Variants in GRM5 observed in about 807,000 individuals in gnomAD.
GRM5 encodes metabotropic glutamate receptor 5.
GRM5 carries 19 observed loss-of-function variants against 83.1 expected under a neutral mutation model. That is an observed-to-expected ratio of 0.23 (90% CI 0.16 to 0.34). GRM5 has a LOEUF of 0.34. Among genes scored for constraint, GRM5 ranks in the 10% least tolerant of loss-of-function variants. The pLI is 1.00. For synonymous variants in GRM5, 675 were observed against 633.6 expected (o/e 1.07, Z -0.98); for missense variants, 1,160 against 1,588.3 (o/e 0.73, Z 4.58).
At chr11:88,625,304 G>A (rs551222790) in intron 4 of GRM5, among the ~76,000 whole-genome samples, 17 of 152,242 alleles carry the variant, frequency 1.1e-4, no homozygotes. Context: ...TCCATAGCAA[G>A]AGTGTATGAG....
intron 3 of GRM5, among the ~76,000 whole-genome samples, chr11:88,755,213 A>G (rs554274541): frequency 6.6e-6 from 1 of 152,324 alleles, no homozygotes; most frequent in South Asian, 2.1e-4. Context: ...GGGATTCTCA[A>G]GAGCTCAAAT....
intron 9 of GRM5, among the ~76,000 whole-genome samples, chr11:88,520,274 T>A (rs1941645822): frequency 6.6e-6 from 1 of 152,170 alleles, no homozygotes. Flanking sequence ...TGGAATTGAT[T>A]TTGGAGATAA....
intron 3 of GRM5, among the ~76,000 whole-genome samples, chr11:88,792,682 C>A (rs1370291249): frequency 6.6e-6 from 1 of 151,992 alleles, no homozygotes; most frequent in East Asian, 1.9e-4. Flanking sequence ...TATTGTGTGT[C>A]CCACCCAACA....
At chr11:88,538,624 A>G (rs558447896) in intron 8 of GRM5, among the ~76,000 whole-genome samples, 1 of 152,332 alleles carries the variant, frequency 6.6e-6, no homozygotes, top group African/African-American at 2.4e-5. Flanking sequence ...ATTTTTATAC[A>G]TGAACAATTG....
chr11:88,825,097 G>A (rs1462894676), intron 3 of GRM5, among the ~76,000 whole-genome samples: 3 of 151,720 alleles, frequency 2.0e-5, no homozygotes, highest in East Asian at 1.9e-4. Flanking sequence ...GGTCTGCCGT[G>A]TTTTCTTTTT....
intron 2 of GRM5, among the ~76,000 whole-genome samples, chr11:89,008,180 T>G (rs1940583314): frequency 6.6e-6 from 1 of 152,184 alleles, no homozygotes; most frequent in African/African-American, 2.4e-5. Context: ...AATTTCTTCT[T>G]TGAAAACCTA....
At chr11:89,053,626 G>A (rs1941808048) in intron 1 of GRM5, among the ~76,000 whole-genome samples, 1 of 149,834 alleles carries the variant, frequency 6.7e-6, no homozygotes, top group Non-Finnish European at 1.5e-5. Flanking sequence ...TGCGAGACAA[G>A]AAACAAAATA....
intron 9 of GRM5, among the ~76,000 whole-genome samples, chr11:88,515,426 T>A (rs546349700): frequency 1.3e-5 from 2 of 152,288 alleles, no homozygotes; most frequent in Non-Finnish European, 2.9e-5. Flanking sequence ...TAACTATAAT[T>A]TGTTGTATAG....
intron 2 of GRM5, among the ~76,000 whole-genome samples, chr11:89,017,835 G>T (rs1940896678): frequency 6.6e-6 from 1 of 152,138 alleles, no homozygotes; most frequent in Non-Finnish European, 1.5e-5. Flanking sequence ...TTGGTTTTCA[G>T]TTCCTACAGA....
At chr11:89,037,352 C>T (rs1265019871) in intron 2 of GRM5, among the ~76,000 whole-genome samples, 1 of 152,006 alleles carries the variant, frequency 6.6e-6, no homozygotes, top group Non-Finnish European at 1.5e-5. Context: ...ACCTCCTTGT[C>T]TAGTATCCAC....
At chr11:88,618,732 T>G (rs1162255253) in intron 4 of GRM5, among the ~76,000 whole-genome samples, 1 of 152,222 alleles carries the variant, frequency 6.6e-6, no homozygotes, top group Non-Finnish European at 1.5e-5. Context: ...TGGTTCGTTT[T>G]ATTCAAAGTT....
At chr11:88,709,682 C>T (rs1565195965) in intron 3 of GRM5, among the ~76,000 whole-genome samples, 1 of 152,036 alleles carries the variant, frequency 6.6e-6, no homozygotes, top group East Asian at 1.9e-4. Context: ...CTGGACTCAC[C>T]CTAAGTCAAC....
At chr11:89,043,263 A>G (rs1351391731) in intron 2 of GRM5, among the ~76,000 whole-genome samples, 5 of 152,340 alleles carry the variant, frequency 3.3e-5, no homozygotes, top group South Asian at 2.1e-4. Flanking sequence ...TAGATTTTCA[A>G]CTAAAGTCAG....
Position 88,509,355 on chromosome 11 carries a change from C to A in GRM5, c.2876G>T (p.Arg959Leu), listed in dbSNP as rs1202019173. The stretch of plus-strand genomic sequence containing the variant: ...TGCGCCAGCGCCAGCGCCCAGGCCA[C>A]GGCTCTCCGTGCTCTTGGGGAAGGG... ...IKPFPKSTES[R>L]GLGAGAGAGG... Residue 959 changes from arginine to leucine, a missense_variant, in exon 10 of 10, where the codon CGT becomes CTT. Physicochemically the swap from Arg to Leu is moderately radical, Grantham distance 102 (BLOSUM62 -2). Around this residue, in one of 9 missense-constraint regions of GRM5, gnomAD observed 562 missense variants for 532.4 expected, o/e 1.06. Transcript: ENST00000305447. 4 of 1,610,614 alleles carry A rather than the reference C, an allele frequency of 2.5e-6. No individual in the cohort carries two copies. Among genetic ancestry groups the A allele is most frequent in the Non-Finnish European group, 3.4e-6 (4 of 1,179,254 alleles).
chr11:89,017,005 C>G (rs1181263920), intron 2 of GRM5, among the ~76,000 whole-genome samples: 1 of 152,138 alleles, frequency 6.6e-6, no homozygotes, highest in Non-Finnish European at 1.5e-5. Flanking sequence ...CTATCATTAA[C>G]ACCAAGAAGC....
At chr11:88,874,406 AC>A (rs1421198242) in intron 2 of GRM5, among the ~76,000 whole-genome samples, 1 of 151,828 alleles carries the variant, frequency 6.6e-6, no homozygotes. Flanking sequence ...TGACACTATA[AC>A]CGTATCTCTT....
At chr11:88,617,139 T>C (rs1303673630) in intron 4 of GRM5, among the ~76,000 whole-genome samples, 1 of 152,156 alleles carries the variant, frequency 6.6e-6, no homozygotes, top group African/African-American at 2.4e-5. Context: ...AACATAGCAA[T>C]GCCAATTTAC....
intron 9 of GRM5, among the ~76,000 whole-genome samples, chr11:88,511,222 A>C (rs1941360161): frequency 6.6e-6 from 1 of 152,062 alleles, no homozygotes; most frequent in Non-Finnish European, 1.5e-5. Context: ...TTTCTTCTAA[A>C]TCCCCATCAC....
At chr11:88,564,896 A>G (rs1249943741) in intron 8 of GRM5, among the ~76,000 whole-genome samples, 2 of 151,076 alleles carry the variant, frequency 1.3e-5, no homozygotes, top group African/African-American at 2.4e-5. Flanking sequence ...CAATGTCTCC[A>G]TAGGTTTGTG....
Sources: gnomAD v4.1 joint callset for allele counts (sites outside exome capture counted in the v4.1 genomes callset) on GRCh38, gnomAD v4.1.1 for gene constraint, gnomAD v4.1.1 regional missense constraint, MANE v1.5 for transcripts, NCBI Gene and HGNC (gene_info 2026-07-23, HGNC 2026-07-21) for gene names.